Variants in RAD51B observed in about 807,000 individuals in gnomAD.
The protein encoded by RAD51B is RAD51 paralog B.
In RAD51B, 38 loss-of-function variants were observed where a neutral mutation model predicts 42.2. The observed-to-expected ratio is 0.90, with a 90% confidence interval of 0.70 to 1.18. The LOEUF is 1.18. RAD51B is among the 50% of genes most tolerant of loss of function. The probability of loss-of-function intolerance (pLI) is 0.00; values close to 1 mark genes in which losing one functional copy is unlikely to be tolerated. For synonymous variants in RAD51B, 154 were observed against 145.2 expected (o/e 1.06, Z -0.43); for missense variants, 373 against 400.7 (o/e 0.93, Z 0.59).
chr14:68,566,285 A>AC (rs753120289), intron 10 of RAD51B, among the ~76,000 whole-genome samples: 2 of 152,146 alleles, frequency 1.3e-5, no homozygotes, highest in Non-Finnish European at 2.9e-5. Context: ...AGCTGACAAA[A>AC]CCCTATCTTC....
chr14:68,639,837 C>T (rs996815896), intron 10 of RAD51B, among the ~76,000 whole-genome samples: 11 of 151,798 alleles, frequency 7.2e-5, no homozygotes, highest in East Asian at 1.9e-4. Context: ...TTGTCCAGGC[C>T]GGAGTGCAGT....
At chr14:68,307,602 C>G (rs1023797829) in intron 8 of RAD51B, among the ~76,000 whole-genome samples, 5 of 152,328 alleles carry the variant, frequency 3.3e-5, no homozygotes, top group Middle Eastern at 6.8e-3. Context: ...AAATCTGTCT[C>G]TGGCACACTT....
At chr14:68,035,220 ATAACT>A (rs2076102987) in intron 7 of RAD51B, among the ~76,000 whole-genome samples, 1 of 152,194 alleles carries the variant, frequency 6.6e-6, no homozygotes, top group South Asian at 2.1e-4. Context: ...CTTTTTAAAA[ATAACT>A]TAAGATGTTT....
At chr14:68,660,416 T>C (rs928444168) in intron 11 of RAD51B, among the ~76,000 whole-genome samples, 2 of 152,212 alleles carry the variant, frequency 1.3e-5, no homozygotes, top group African/African-American at 4.8e-5. Context: ...GAAGCTTGGA[T>C]AAGAATCCAA....
intron 10 of RAD51B, among the ~76,000 whole-genome samples, chr14:68,640,006 T>C (rs1892423719): frequency 6.6e-6 from 1 of 152,106 alleles, no homozygotes; most frequent in South Asian, 2.1e-4. Context: ...TTCACCACGT[T>C]GGCCAGGCTG....
intron 10 of RAD51B, among the ~76,000 whole-genome samples, chr14:68,546,523 G>A (rs1888244499): frequency 6.6e-6 from 1 of 152,218 alleles, no homozygotes; most frequent in African/African-American, 2.4e-5. Flanking sequence ...CACTAGAGAT[G>A]TCCAGTAGAC....
chr14:68,044,815 A>G (rs1397001559), intron 7 of RAD51B, among the ~76,000 whole-genome samples: 1 of 152,078 alleles, frequency 6.6e-6, no homozygotes, highest in Non-Finnish European at 1.5e-5. Context: ...TCAATGACCA[A>G]TGAGAACATT....
At chr14:68,219,483 G>A (rs566071025) in intron 7 of RAD51B, among the ~76,000 whole-genome samples, 2 of 152,136 alleles carry the variant, frequency 1.3e-5, no homozygotes, top group South Asian at 4.2e-4. Flanking sequence ...TGGTATCCTC[G>A]GCTGCAAGAC....
chr14:68,262,808 C>G (rs1249408618), intron 7 of RAD51B, among the ~76,000 whole-genome samples: 4 of 152,150 alleles, frequency 2.6e-5, no homozygotes, highest in Non-Finnish European at 5.9e-5. Flanking sequence ...AACAAACAGG[C>G]CTTGCTAAAT....
intron 4 of RAD51B, among the ~76,000 whole-genome samples, chr14:67,853,939 AC>A (rs1157837522): frequency 6.6e-6 from 1 of 152,208 alleles, no homozygotes; most frequent in African/African-American, 2.4e-5. Flanking sequence ...AATCAGAGAC[AC>A]CAACTCTGCG....
At chr14:68,010,460 G>C (rs566623876) in intron 7 of RAD51B, among the ~76,000 whole-genome samples, 5 of 151,510 alleles carry the variant, frequency 3.3e-5, no homozygotes, top group African/African-American at 1.2e-4. Flanking sequence ...AGTTGTTTGG[G>C]GTCCTGTATC....
intron 8 of RAD51B, among the ~76,000 whole-genome samples, chr14:68,327,234 T>C (rs1352122117): frequency 6.6e-6 from 1 of 152,140 alleles, no homozygotes; most frequent in Admixed American, 6.6e-5. Flanking sequence ...AAACTATCAA[T>C]CTGATGATGT....
intron 7 of RAD51B, among the ~76,000 whole-genome samples, chr14:68,155,041 G>A (rs1380803804): frequency 6.6e-6 from 1 of 152,010 alleles, no homozygotes; most frequent in African/African-American, 2.4e-5. Context: ...ACAATTTTTT[G>A]TACCATTGTT....
intron 7 of RAD51B, among the ~76,000 whole-genome samples, chr14:68,073,803 G>A (rs2076791127): frequency 6.6e-6 from 1 of 152,130 alleles, no homozygotes; most frequent in Non-Finnish European, 1.5e-5. Flanking sequence ...GGCTGGATAT[G>A]AAATTCTTGG....
chr14:68,652,475 C>T lies in RAD51B; in HGVS notation c.*11+1619C>T, dbSNP rs138249647. Among the ~76,000 whole-genome samples the T allele has an allele frequency of 1.2e-4, 18 of 152,306 alleles. No homozygotes were observed. The East Asian group carries it at 3.1e-3, about 26-fold the overall frequency. On this transcript the variant is annotated intron_variant, in intron 11 of 11. Coordinates refer to the RAD51B transcript ENST00000488612. The stretch of plus-strand genomic sequence containing the variant: ...AGCACTAGCTGTGGGAAAGGGATCC[C>T]GTCTAGAGAAGAGGCAGAGGTGCAG...
intron 7 of RAD51B, among the ~76,000 whole-genome samples, chr14:68,255,313 G>C (rs1295257345): frequency 6.6e-6 from 1 of 152,196 alleles, no homozygotes; most frequent in Non-Finnish European, 1.5e-5. Context: ...TTGAAAGCAA[G>C]ATTTGTCAAA....
At position 68,633,405 on chromosome 14, in the gene RAD51B, T is replaced by C. The variant is rs563398639; in HGVS notation, c.1037-17376T>C. Among the ~76,000 whole-genome samples, 85 of 152,012 alleles carry C rather than the reference T, an allele frequency of 5.6e-4. 1 individual carries two copies. Among genetic ancestry groups the C allele is most frequent in the Middle Eastern group, 6.8e-3 (2 of 294 alleles). On this transcript the variant is annotated intron_variant, in intron 10 of 11. Transcript: ENST00000488612. ...AAAATTCAAGCAGGAGAATACGCCT[T>C]CCCCCAAACGGCTGGCTCCCCCACT...
chr14:68,053,216 G>A (rs545165370), intron 7 of RAD51B, among the ~76,000 whole-genome samples: 2 of 152,110 alleles, frequency 1.3e-5, no homozygotes, highest in Non-Finnish European at 2.9e-5. Flanking sequence ...GACATTTAGG[G>A]TATAGTTTTG....
At chr14:68,007,886 C>G (rs1404526275) in intron 7 of RAD51B, among the ~76,000 whole-genome samples, 1 of 151,544 alleles carries the variant, frequency 6.6e-6, no homozygotes, top group Non-Finnish European at 1.5e-5. Flanking sequence ...GGAAGAAAAA[C>G]AAGTAGCTAA....
Sources: allele counts gnomAD v4.1 joint callset (sites outside exome capture counted in the v4.1 genomes callset), GRCh38; gene constraint gnomAD v4.1.1; transcripts MANE v1.5; gene names NCBI Gene and HGNC (gene_info 2026-07-23, HGNC 2026-07-21).